WDFY1: variants seen among roughly 807,000 people sequenced by gnomAD.
WDFY1 encodes the protein WD repeat and FYVE domain containing 1.
In WDFY1, 32 loss-of-function variants were observed where a neutral mutation model predicts 56.4. The observed-to-expected ratio is 0.57, with a 90% CI of 0.43 to 0.76. WDFY1 has a LOEUF of 0.76. WDFY1 is among the 30% of genes least tolerant of loss of function. The pLI, the probability that WDFY1 is intolerant of heterozygous loss-of-function variation, is 0.00. For missense variants in WDFY1, 480 were observed against 545.7 expected, an observed-to-expected ratio of 0.88 and a Z score of 1.20; for synonymous variants, 192 against 197.3, an observed-to-expected ratio of 0.97 and a Z score of 0.23.
intron 1 of WDFY1, among the ~76,000 whole-genome samples, chr2:223,938,732 C>G (rs1175804289): frequency 1.3e-5 from 2 of 152,022 alleles, no homozygotes; most frequent in African/African-American, 4.8e-5. Flanking sequence ...CTTTGGAGTG[C>G]TGACCGTATC....
chr2:223,930,758 G>A (rs1217973792), intron 1 of WDFY1, among the ~76,000 whole-genome samples: 1 of 152,210 alleles, frequency 6.6e-6, no homozygotes, highest in Non-Finnish European at 1.5e-5. Context: ...ATGAACCACA[G>A]GGGCCAGCCT....
At chr2:223,892,456 T>A (rs1398998922) in intron 8 of WDFY1, among the ~76,000 whole-genome samples, 1 of 152,228 alleles carries the variant, frequency 6.6e-6, no homozygotes, top group Non-Finnish European at 1.5e-5. Flanking sequence ...GTCTCTGTAT[T>A]ATGGATTGCA....
rs776462858 is a variant in WDFY1 at position 223,882,049 on chromosome 2, C to T, written c.957G>A (p.Gln319=). Residue 319 remains glutamine (Q), a synonymous_variant, in exon 10 of 12, where the codon CAG becomes CAA. Transcript: ENST00000233055. ...TGCTGCTGCACTTCCCGCAGACAGCCTGCCCGCATTTCCTGCAGTGATGCT... is the reference window on the plus strand; with the variant it reads ...TGCTGCTGCACTTCCCGCAGACAGCTTGCCCGCATTTCCTGCAGTGATGCT... ...LRQHHCRKCG[Q]AVCGKCSSKR... is the part of the protein sequence containing the mutation. 3.1e-6 allele frequency: 5 copies of T among 1,613,900 alleles called. No individual in the cohort carries two copies. The Admixed American group carries it at 8.3e-5, about 27-fold the overall frequency.
intron 1 of WDFY1, among the ~76,000 whole-genome samples, chr2:223,920,040 G>A (rs1392791007): frequency 6.6e-6 from 1 of 152,178 alleles, no homozygotes; most frequent in Non-Finnish European, 1.5e-5. Context: ...CTTCGTCAGG[G>A]ACTCCCACCT....
intron 1 of WDFY1, 122 bp from the exon 2 acceptor site, chr2:223,918,132 C>A (rs528425599): frequency 3.9e-5 from 31 of 793,308 alleles, no homozygotes. Flanking sequence ...ATAAAACTAA[C>A]TGGACAAACT....
At position 223,896,009 on chromosome 2, in the gene WDFY1, A is replaced by T. The variant is rs570104759; in HGVS notation, c.599-379T>A. Among the ~76,000 whole-genome samples, 4 of 151,898 alleles carry T rather than the reference A, an allele frequency of 2.6e-5. No individual in the cohort carries two copies. The South Asian group carries it at 8.3e-4, about 32-fold the overall frequency. ...CCCTATCTCTCCAAAAAAACAAATT[A>T]GCCAGGCATGGTGGCAGGCGCCTGT... On this transcript the variant is annotated intron_variant, in intron 6 of 11. Transcript: ENST00000233055.
Position 223,884,646 on chromosome 2 carries a change from A to C in WDFY1, c.933+2T>G, listed in dbSNP as rs983173436. 1 of 1,613,422 alleles carries C rather than the reference A, an allele frequency of 6.2e-7. No individual in the cohort carries two copies. Among genetic ancestry groups the C allele is most frequent in the Non-Finnish European group, 8.5e-7 (1 of 1,179,442 alleles). ...AGAGATGACTCGACAGTGGCTACTC[A>C]CTTGTCTTAGCCCCAGCGTCTTGGT... On this transcript the variant is annotated splice_donor_variant, in intron 9 of 11. Coordinates refer to ENST00000233055, the MANE Select transcript of WDFY1 (RefSeq NM_020830.5). LOFTEE classifies it high-confidence loss of function.
chr2:223,933,078 G>A (rs1694106477), intron 1 of WDFY1, among the ~76,000 whole-genome samples: 1 of 152,098 alleles, frequency 6.6e-6, no homozygotes, highest in Non-Finnish European at 1.5e-5. Flanking sequence ...GAGAGAAAAT[G>A]TTAGATTGTT....
At chr2:223,943,832 T>C (rs1689355054) in intron 1 of WDFY1, among the ~76,000 whole-genome samples, 1 of 152,176 alleles carries the variant, frequency 6.6e-6, no homozygotes, top group South Asian at 2.1e-4. Flanking sequence ...CTCTGTAACT[T>C]AGCAGCAAGC....
rs1693080773 is a variant in WDFY1 at position 223,881,963 on chromosome 2, T to A, written c.1043A>T (p.Tyr348Phe). 2 of 1,613,780 alleles carry A rather than the reference T, an allele frequency of 1.2e-6. No individual in the cohort carries two copies. The highest frequency in any genetic ancestry group is 3.3e-5 in the Admixed American group (2 of 59,994). Residue 348 changes from tyrosine to phenylalanine, a missense_variant, in exon 10 of 12, where the codon TAC becomes TTC. Coordinates refer to ENST00000233055, the MANE Select transcript of WDFY1 (RefSeq NM_020830.5). ...EFQVRVCDSC[Y>F]DSIKDEDRTS... is the part of the protein sequence containing the mutation. ...TCACTCTTCATCTTTGATGGAGTCG[T>A]AACAAGAATCACAAACCCGGACTTG...
Position 223,880,142 on chromosome 2 carries a change from C to A in WDFY1, c.1155G>T (p.Gly385=). 6.2e-7 allele frequency: 1 copy of A among 1,614,078 alleles called. No homozygotes were observed. The highest frequency in any genetic ancestry group is 1.7e-5 in the Admixed American group (1 of 60,026). Reference sequence around the variant, plus strand: ...AGCTTACCTTTACAATGCGGTCGGTCCCACAGGTCACCATCAGTCCCCTGG... The same window carrying A: ...AGCTTACCTTTACAATGCGGTCGGTACCACAGGTCACCATCAGTCCCCTGG... ...DIARGLMVTC[G]TDRIVKIWDM... is the part of the protein sequence containing the mutation. Residue 385 remains glycine, a synonymous_variant, in exon 11 of 12, where the codon GGG becomes GGT. Transcript: ENST00000233055.
Position 223,901,163 on chromosome 2 carries a change from T to C in WDFY1, c.485+20A>G, listed in dbSNP as rs753749253. ...AAGCAGAGGCCAGGGGAAGGAGAGG[T>C]CCGTGGCTCTGAAGGATACTGCAGA... On this transcript the variant is annotated intron_variant, in intron 5 of 11. Transcript: ENST00000233055. 6.2e-7 allele frequency: 1 copy of C among 1,604,234 alleles called. No homozygotes were observed. The highest frequency in any genetic ancestry group is 8.5e-7 in the Non-Finnish European group (1 of 1,174,356).
At chr2:223,896,155 CAAAAAAAAAAAAAAA>C (rs71058956) in intron 6 of WDFY1, among the ~76,000 whole-genome samples, 986 of 39,864 alleles carry the variant, frequency 0.025, 44 homozygotes, top group African/African-American at 0.099. Context: ...GACTCTGTCT[CAAAAAAAAAAAAAAA>C]AAAAAAAAAA....
In WDFY1 at chr2:223,901,038, TAA is replaced by T. The variant is rs5839028; in HGVS notation, c.485+143_485+144del. On this transcript the variant is annotated intron_variant, in intron 5 of 11. Coordinates refer to ENST00000233055, the MANE Select transcript of WDFY1 (RefSeq NM_020830.5). ...CAATTTTTGCAATTACTTTCCATGG[TAA>T]AAAAAAAAATGCAATTACTTTTGCA... The T allele has an allele frequency of 9.6e-3, 7,332 of 766,452 alleles. 34 individuals are homozygous for T. The highest frequency in any genetic ancestry group is 0.033 in the African/African-American group (1,846 of 55,806). The allele number at this position is 766,452 out of a possible 1,614,324, so 47.5% of individuals were successfully genotyped here.
intron 1 of WDFY1, among the ~76,000 whole-genome samples, chr2:223,931,839 C>T (rs935940655): frequency 5.3e-5 from 8 of 152,068 alleles, no homozygotes; most frequent in African/African-American, 1.9e-4. Context: ...GCATGCACTA[C>T]CACACCCAGC....
chr2:223,876,711 G>A lies in WDFY1; in HGVS notation c.*1960C>T, dbSNP rs543433206. The A allele has an allele frequency of 3.0e-4, 45 of 152,244 alleles. No homozygotes were observed. The highest frequency in any genetic ancestry group is 2.7e-3 in the Admixed American group (41 of 15,290). The allele number at this position is 152,244 out of a possible 1,614,324, so 9.4% of individuals were successfully genotyped here. A position where few individuals can be genotyped will look rare whatever the true frequency, so the allele number is the denominator to read the frequency against. On this transcript the variant is annotated 3_prime_UTR_variant, in exon 12 of 12. Transcript: ENST00000233055. Reference sequence around the variant, plus strand: ...GTAAACTCAGCAGCTGTGATATTCCGTTCAATCTACCACAGATGTCAAACG... The same window carrying A: ...GTAAACTCAGCAGCTGTGATATTCCATTCAATCTACCACAGATGTCAAACG...
Position 223,881,931 on chromosome 2 carries a change from C to G in WDFY1, c.1064+11G>C. On this transcript the variant is annotated intron_variant, in intron 10 of 11. Coordinates refer to ENST00000233055, the MANE Select transcript of WDFY1 (RefSeq NM_020830.5). ...TAAGAGGCAATGAGACAAAAATATGCAAACACTCACTCTTCATCTTTGATG... is the reference window on the plus strand; with the variant it reads ...TAAGAGGCAATGAGACAAAAATATGGAAACACTCACTCTTCATCTTTGATG... 1 of 1,612,622 alleles carries G rather than the reference C, an allele frequency of 6.2e-7. No individual in the cohort carries two copies. The highest frequency in any genetic ancestry group is 8.5e-7 in the Non-Finnish European group (1 of 1,179,086).
At chr2:223,896,175 A>AAAAC (rs1436743780) in intron 6 of WDFY1, among the ~76,000 whole-genome samples, 3 of 147,196 alleles carry the variant, frequency 2.0e-5, no homozygotes, top group African/African-American at 7.7e-5. Flanking sequence ...AAAAAAAAAA[A>AAAAC]AAAAAAAACT....
At chr2:223,935,794 G>A (rs1694159290) in intron 1 of WDFY1, among the ~76,000 whole-genome samples, 1 of 152,186 alleles carries the variant, frequency 6.6e-6, no homozygotes, top group Admixed American at 6.6e-5. Flanking sequence ...AGAAAGGACA[G>A]AGAATGATGG....
Sources: allele counts gnomAD v4.1 joint callset (sites outside exome capture counted in the v4.1 genomes callset), GRCh38; gene constraint gnomAD v4.1.1; transcripts MANE v1.5; gene names NCBI Gene and HGNC (gene_info 2026-07-23, HGNC 2026-07-21).